The following LSAMP variants were observed in gnomAD, a reference collection of about 807,000 sequenced individuals.
LSAMP encodes the protein limbic system associated membrane protein, also known as limbic system-associated membrane protein.
In LSAMP, 7 loss-of-function variants were observed where a neutral mutation model predicts 38.6. That is an observed-to-expected ratio of 0.18 (90% CI 0.10 to 0.34). The LOEUF is 0.34. Ranked by LOEUF, LSAMP falls within the 10% of genes least tolerant of loss-of-function variation. LSAMP has a pLI of 1.00. For missense variants in LSAMP, 313 were observed against 420.0 expected (o/e 0.75, Z 2.23); for synonymous variants, 154 against 166.8 (o/e 0.92, Z 0.59).
intron 1 of LSAMP, among the ~76,000 whole-genome samples, chr3:116,335,422 CA>C (rs1344134237): frequency 1.3e-5 from 2 of 151,830 alleles, no homozygotes; most frequent in Non-Finnish European, 2.9e-5. Flanking sequence ...TATTTAAAAA[CA>C]AAAACAAAAC....
At chr3:116,187,617 C>T (rs547894065) in intron 1 of LSAMP, among the ~76,000 whole-genome samples, 3 of 152,140 alleles carry the variant, frequency 2.0e-5, no homozygotes, top group Admixed American at 1.3e-4. Context: ...ACAAAAACCT[C>T]TTCCTTCATA....
At chr3:116,342,207 G>A (rs1450067182) in intron 1 of LSAMP, among the ~76,000 whole-genome samples, 1 of 151,994 alleles carries the variant, frequency 6.6e-6, no homozygotes, top group East Asian at 1.9e-4. Flanking sequence ...AACTTGAGCA[G>A]TTGGGAGTTG....
chr3:115,986,051 G>GA (rs1286083277), intron 3 of LSAMP, among the ~76,000 whole-genome samples: 2 of 151,910 alleles, frequency 1.3e-5, no homozygotes, highest in East Asian at 1.9e-4. Flanking sequence ...TTTGCAAGTA[G>GA]AAAAAAAAGA....
intron 1 of LSAMP, among the ~76,000 whole-genome samples, chr3:116,322,085 T>C (rs960785644): frequency 2.0e-5 from 3 of 152,222 alleles, no homozygotes; most frequent in Non-Finnish European, 2.9e-5. Context: ...AACTATGTTA[T>C]AAGGGTCATT....
intron 6 of LSAMP, chr3:115,816,473 T>C: frequency 2.4e-6 from 1 of 421,804 alleles, no homozygotes; most frequent in Non-Finnish European, 4.1e-6. Flanking sequence ...AGTTCACAAT[T>C]TGGAAAAAAC....
chr3:115,976,545 A>G (rs993840209), intron 3 of LSAMP, among the ~76,000 whole-genome samples: 4 of 152,204 alleles, frequency 2.6e-5, no homozygotes, highest in African/African-American at 9.6e-5. Context: ...GATGATCTCC[A>G]GGAGACAAAT....
intron 1 of LSAMP, among the ~76,000 whole-genome samples, chr3:116,347,476 A>G (rs1443912226): frequency 6.6e-6 from 1 of 152,198 alleles, no homozygotes; most frequent in Non-Finnish European, 1.5e-5. Context: ...GAAGGATTTG[A>G]TAACTTATAT....
chr3:116,421,903 T>C (rs1020019499), intron 1 of LSAMP, among the ~76,000 whole-genome samples: 4 of 152,196 alleles, frequency 2.6e-5, no homozygotes, highest in Non-Finnish European at 5.9e-5. Flanking sequence ...ATTTACCATA[T>C]AATCCAGTAA....
intron 1 of LSAMP, among the ~76,000 whole-genome samples, chr3:116,329,263 A>G (rs762715541): frequency 4.1e-4 from 63 of 152,170 alleles, no homozygotes; most frequent in Non-Finnish European, 7.1e-4. Flanking sequence ...TTAGGGTTAG[A>G]CAAACTAAAG....
intron 3 of LSAMP, among the ~76,000 whole-genome samples, chr3:115,989,693 G>A (rs1190685980): frequency 6.6e-6 from 1 of 152,020 alleles, no homozygotes; most frequent in African/African-American, 2.4e-5. Flanking sequence ...ATTTCCAGGA[G>A]GGAACCATTG....
chr3:116,246,679 C>T lies in LSAMP; in HGVS notation c.156-160123G>A, dbSNP rs796187374. On this transcript the variant is annotated intron_variant, in intron 1 of 6. Coordinates refer to ENST00000490035, the MANE Select transcript of LSAMP (RefSeq NM_002338.5). The stretch of plus-strand genomic sequence containing the variant: ...CATTCTCTTAGCTCCACAAGCACCT[C>T]GGGGCAAGAAGGGGAGGGCGTGTCA... Among the ~76,000 whole-genome samples the T allele has an allele frequency of 1.1e-4, 17 of 152,224 alleles. No homozygotes were observed. The South Asian group carries it at 2.3e-3, about 20-fold the overall frequency.
At chr3:116,334,345 A>T (rs2047892008) in intron 1 of LSAMP, among the ~76,000 whole-genome samples, 1 of 152,120 alleles carries the variant, frequency 6.6e-6, no homozygotes, top group Non-Finnish European at 1.5e-5. Flanking sequence ...TCCTTCTCAA[A>T]CATTTCCAAA....
chr3:115,885,066 G>C (rs1316847130), intron 3 of LSAMP, among the ~76,000 whole-genome samples: 1 of 151,994 alleles, frequency 6.6e-6, no homozygotes, highest in Non-Finnish European at 1.5e-5. Context: ...AAAACATTTA[G>C]GGAACTTACA....
At chr3:116,165,458 AAG>A (rs1710026906) in intron 1 of LSAMP, among the ~76,000 whole-genome samples, 1 of 152,186 alleles carries the variant, frequency 6.6e-6, no homozygotes, top group Non-Finnish European at 1.5e-5. Context: ...AGGATAAAGA[AAG>A]AGAAAATAGC....
intron 3 of LSAMP, among the ~76,000 whole-genome samples, chr3:115,985,797 ACT>A (rs1559908884): frequency 6.6e-6 from 1 of 152,030 alleles, no homozygotes; most frequent in Non-Finnish European, 1.5e-5. Context: ...TTGGAAGTAG[ACT>A]CTCAGTGCCA....
intron 3 of LSAMP, among the ~76,000 whole-genome samples, chr3:116,001,425 A>G (rs1165511025): frequency 6.6e-6 from 1 of 152,228 alleles, no homozygotes; most frequent in Admixed American, 6.5e-5. Flanking sequence ...AATTTTACAT[A>G]ACTGAGTGTC....
intron 1 of LSAMP, among the ~76,000 whole-genome samples, chr3:116,283,315 C>T (rs891075330): frequency 6.6e-6 from 1 of 151,990 alleles, no homozygotes; most frequent in Non-Finnish European, 1.5e-5. Context: ...ATATATGATA[C>T]AATTATGAAG....
At chr3:116,244,095 TC>T (rs1289467023) in intron 1 of LSAMP, among the ~76,000 whole-genome samples, 6 of 152,136 alleles carry the variant, frequency 3.9e-5, no homozygotes, top group Non-Finnish European at 8.8e-5. Flanking sequence ...TAACAGACTT[TC>T]CTCAACTTCC....
chr3:116,130,319 A>G (rs759439518), intron 1 of LSAMP, among the ~76,000 whole-genome samples: 2 of 152,244 alleles, frequency 1.3e-5, no homozygotes, highest in Non-Finnish European at 2.9e-5. Flanking sequence ...GTAATTTAGT[A>G]TACAAAGACA....
Sources: allele counts gnomAD v4.1 joint callset (sites outside exome capture counted in the v4.1 genomes callset), GRCh38; gene constraint gnomAD v4.1.1; transcripts MANE v1.5; gene names NCBI Gene and HGNC (gene_info 2026-07-23, HGNC 2026-07-21).